Variants in SYNPR observed in about 807,000 individuals in gnomAD.
SYNPR encodes the protein synaptoporin.
Under a neutral mutation model 32.9 loss-of-function variants are expected in SYNPR, and 23 were observed. The observed-to-expected ratio is 0.70, with a 90% CI of 0.50 to 0.99. The LOEUF is 0.99. Among genes scored for constraint, SYNPR ranks in the 50% least tolerant of loss-of-function variants. The pLI is 0.00. For missense variants in SYNPR, 318 were observed against 349.3 expected (o/e 0.91, Z 0.71); for synonymous variants, 146 against 135.9 (o/e 1.07, Z -0.52).
At chr3:63,285,361 C>T (rs1471796733) in intron 2 of SYNPR, among the ~76,000 whole-genome samples, 1 of 124,826 alleles carries the variant, frequency 8.0e-6, no homozygotes, top group Non-Finnish European at 1.7e-5. Flanking sequence ...CATTTTTTAT[C>T]TTTTCCTCTT....
At chr3:63,203,068 G>GTATGTATATATATATATATATATATA in the SYNPR span, 1 of 108,594 alleles carries the variant, frequency 9.2e-6, no homozygotes, top group African/African-American at 4.6e-5. Context: ...ATATGTATGT[G>GTATGTATATATATATATATATATATA]TATATATATA....
intron 4 of SYNPR, among the ~76,000 whole-genome samples, chr3:63,607,055 A>G (rs1361294645): frequency 6.6e-6 from 1 of 152,226 alleles, no homozygotes; most frequent in Non-Finnish European, 1.5e-5. Flanking sequence ...AGGTCTTCAC[A>G]TGACTATTCT....
intron 2 of SYNPR, among the ~76,000 whole-genome samples, chr3:63,388,379 C>CT (rs144044254): frequency 0.18 from 15,298 of 83,594 alleles, 2,434 homozygotes; most frequent in Non-Finnish European, 0.23. Flanking sequence ...GTTTGGAGCT[C>CT]TTTTTTTTTT....
chr3:63,333,413 A>C (rs2087251118), intron 2 of SYNPR, among the ~76,000 whole-genome samples: 1 of 151,954 alleles, frequency 6.6e-6, no homozygotes, highest in African/African-American at 2.4e-5. Context: ...AGATTTGAAC[A>C]GGGGGAATTT....
chr3:63,341,897 A>T (rs1470614853), intron 2 of SYNPR, among the ~76,000 whole-genome samples: 1 of 151,778 alleles, frequency 6.6e-6, no homozygotes, highest in Non-Finnish European at 1.5e-5. Flanking sequence ...TTTGTCATGG[A>T]TTGTGTTTTT....
intron 2 of SYNPR, among the ~76,000 whole-genome samples, chr3:63,455,903 T>C (rs562552899): frequency 1.3e-5 from 2 of 152,092 alleles, no homozygotes; most frequent in African/African-American, 4.8e-5. Context: ...ATTAGTCAAT[T>C]TTCACACTGC....
intron 2 of SYNPR, among the ~76,000 whole-genome samples, chr3:63,343,890 G>A (rs1230557133): frequency 6.6e-6 from 1 of 152,210 alleles, no homozygotes; most frequent in Non-Finnish European, 1.5e-5. Context: ...CAGGAAACCT[G>A]CTGTTGCAAT....
chr3:63,389,647 G>T (rs73110810), intron 2 of SYNPR, among the ~76,000 whole-genome samples: 1 of 152,216 alleles, frequency 6.6e-6, no homozygotes, highest in East Asian at 1.9e-4. Context: ...TTGTAACCAC[G>T]AAGATTGAAA....
At chr3:63,281,154 A>G (rs1202991029) in intron 2 of SYNPR, among the ~76,000 whole-genome samples, 1 of 152,192 alleles carries the variant, frequency 6.6e-6, no homozygotes, top group Non-Finnish European at 1.5e-5. Flanking sequence ...TTTCTTATAG[A>G]TGGTAGAACA....
chr3:63,442,674 A>C (rs1700201374), intron 2 of SYNPR, among the ~76,000 whole-genome samples: 1 of 152,170 alleles, frequency 6.6e-6, no homozygotes, highest in African/African-American at 2.4e-5. Context: ...GTTTTGCAGG[A>C]GACGTCTTTA....
At chr3:63,358,091 T>C (rs536333963) in intron 2 of SYNPR, among the ~76,000 whole-genome samples, 4 of 152,322 alleles carry the variant, frequency 2.6e-5, no homozygotes, top group Admixed American at 1.3e-4. Context: ...CTCCTTGAGA[T>C]TGGGCACTGG....
At chr3:63,595,829 AT>A in intron 4 of SYNPR, among the ~76,000 whole-genome samples, 1 of 60,908 alleles carries the variant, frequency 1.6e-5, no homozygotes, top group East Asian at 4.7e-4. Flanking sequence ...TTATATATAT[AT>A]AGTTATATAT....
chr3:63,303,253 T>C (rs369178400), intron 2 of SYNPR, among the ~76,000 whole-genome samples: 2 of 151,856 alleles, frequency 1.3e-5, no homozygotes, highest in Non-Finnish European at 2.9e-5. Flanking sequence ...GCTATTTTCA[T>C]AGTGCCTCAT....
chr3:63,226,410 A>G (rs1221759378), upstream of SYNPR, among the ~76,000 whole-genome samples: 1 of 152,206 alleles, frequency 6.6e-6, no homozygotes, highest in Non-Finnish European at 1.5e-5. Flanking sequence ...TTGCATGTTT[A>G]TTGCAGCACT....
At chr3:63,328,528 G>A (rs947834257) in intron 2 of SYNPR, among the ~76,000 whole-genome samples, 9 of 152,250 alleles carry the variant, frequency 5.9e-5, no homozygotes, top group Middle Eastern at 6.8e-3. Flanking sequence ...TCACAATCAT[G>A]TGTTTTGTAA....
At chr3:63,506,819 G>T (rs114861159) in intron 3 of SYNPR, among the ~76,000 whole-genome samples, 2,246 of 152,262 alleles carry the variant, frequency 0.015, 61 homozygotes, top group African/African-American at 0.052. Context: ...AAACCTCCAT[G>T]CTGCCTCTGA....
the SYNPR span, among the ~76,000 whole-genome samples, chr3:63,221,951 A>G: frequency 1.0e-4 from 15 of 149,096 alleles, no homozygotes; most frequent in East Asian, 1.2e-3. Context: ...TAGTAGTTGT[A>G]GCAATCAAAG....
At chr3:63,576,760 C>A (rs563542201) in intron 4 of SYNPR, among the ~76,000 whole-genome samples, 4 of 147,152 alleles carry the variant, frequency 2.7e-5, no homozygotes, top group Non-Finnish European at 5.9e-5. Context: ...AACTACACTC[C>A]AGCCTGGGCA....
At chr3:63,390,143 A>G (rs1015049135) in intron 2 of SYNPR, among the ~76,000 whole-genome samples, 4 of 152,204 alleles carry the variant, frequency 2.6e-5, no homozygotes, top group Non-Finnish European at 5.9e-5. Flanking sequence ...CCCTGCACAC[A>G]AATTGGGAAC....
Sources: gnomAD v4.1 joint callset for allele counts (sites outside exome capture counted in the v4.1 genomes callset) on GRCh38, gnomAD v4.1.1 for gene constraint, MANE v1.5 for transcripts, NCBI Gene and HGNC (gene_info 2026-07-23, HGNC 2026-07-21) for gene names.